The following SORBS2 variants were observed in gnomAD, a reference collection of about 807,000 sequenced individuals.
SORBS2 encodes sorbin and SH3 domain containing 2, also known as sorbin and SH3 domain-containing protein 2.
A neutral mutation model predicts 97.7 loss-of-function variants in SORBS2; 46 were observed. That is an observed-to-expected ratio of 0.47 (90% CI 0.37 to 0.60). SORBS2 has a LOEUF of 0.60. Among genes scored for constraint, SORBS2 ranks in the 20% least tolerant of loss-of-function variants. The pLI is 0.00. For synonymous variants in SORBS2, 476 were observed against 473.4 expected, an observed-to-expected ratio of 1.01 and a Z score of -0.07; for missense variants, 1,316 against 1,282.3, an observed-to-expected ratio of 1.03 and a Z score of -0.40.
At chr4:185,727,770 A>T (rs1309982887) in intron 2 of SORBS2, among the ~76,000 whole-genome samples, 1 of 152,238 alleles carries the variant, frequency 6.6e-6, no homozygotes, top group Non-Finnish European at 1.5e-5. Flanking sequence ...ATAAATCAAG[A>T]TAAACAGCTT....
At chr4:185,748,677 C>T (rs955805277) in intron 2 of SORBS2, among the ~76,000 whole-genome samples, 33 of 152,226 alleles carry the variant, frequency 2.2e-4, no homozygotes, top group African/African-American at 8.0e-4. Flanking sequence ...GATATGTTAA[C>T]TACCTCAAAA....
chr4:185,812,550 A>C (rs2099188600), intron 1 of SORBS2, among the ~76,000 whole-genome samples: 1 of 152,252 alleles, frequency 6.6e-6, no homozygotes, highest in Non-Finnish European at 1.5e-5. Flanking sequence ...CAAATCACTT[A>C]AGAGACCCTA....
intron 2 of SORBS2, among the ~76,000 whole-genome samples, chr4:185,699,848 T>C (rs1030798487): frequency 1.3e-5 from 2 of 152,242 alleles, no homozygotes; most frequent in Non-Finnish European, 1.5e-5. Flanking sequence ...TTAATATTTA[T>C]ATACTGCTGC....
intron 1 of SORBS2, among the ~76,000 whole-genome samples, chr4:185,863,148 T>C (rs1041601101): frequency 6.6e-6 from 1 of 152,172 alleles, no homozygotes; most frequent in African/African-American, 2.4e-5. Context: ...GGATTTGCAT[T>C]TTTACATTAG....
chr4:185,735,621 C>T (rs2098680064), intron 2 of SORBS2, among the ~76,000 whole-genome samples: 1 of 151,904 alleles, frequency 6.6e-6, no homozygotes, highest in Admixed American at 6.5e-5. Flanking sequence ...ATTGAAAATG[C>T]ATCTGTTTTT....
At chr4:185,703,130 G>T (rs1364776727) in intron 2 of SORBS2, among the ~76,000 whole-genome samples, 1 of 152,140 alleles carries the variant, frequency 6.6e-6, no homozygotes, top group Non-Finnish European at 1.5e-5. Context: ...CTAGAGAATT[G>T]TTTATATATT....
At chr4:185,630,730 T>C in intron 4 of SORBS2, 132 bp from the exon 17 acceptor site, 1 of 616,106 alleles carries the variant, frequency 1.6e-6, no homozygotes, top group Non-Finnish European at 2.9e-6. Flanking sequence ...TCATTATGAC[T>C]ATAAAAATGT....
chr4:185,712,492 A>G (rs1359709202), intron 2 of SORBS2, among the ~76,000 whole-genome samples: 1 of 152,246 alleles, frequency 6.6e-6, no homozygotes, highest in African/African-American at 2.4e-5. Context: ...CACCAGTGCA[A>G]ATATAAAAGG....
intron 14 of SORBS2, among the ~76,000 whole-genome samples, chr4:185,588,459 C>T (rs1045412241): frequency 6.6e-6 from 1 of 152,154 alleles, no homozygotes; most frequent in African/African-American, 2.4e-5. Context: ...CTAAATTCTT[C>T]TTTAGGCAGC....
At chr4:185,839,537 G>T (rs2099210226) in intron 1 of SORBS2, among the ~76,000 whole-genome samples, 2 of 152,146 alleles carry the variant, frequency 1.3e-5, no homozygotes, top group Non-Finnish European at 2.9e-5. Flanking sequence ...ACAAGCCGGA[G>T]CACACTGAGC....
intron 2 of SORBS2, 166 bp downstream of exon 2, chr4:185,775,061 G>A (rs1023495531): frequency 6.6e-6 from 1 of 152,078 alleles, no homozygotes; most frequent in Non-Finnish European, 1.5e-5. Context: ...AAAACTTACA[G>A]CCACAAAAAT....
intron 13 of SORBS2, among the ~76,000 whole-genome samples, chr4:185,590,918 T>C (rs1200935878): frequency 2.0e-5 from 3 of 152,262 alleles, no homozygotes; most frequent in Non-Finnish European, 4.4e-5. Context: ...AACAGTCATG[T>C]CATTCTGCTA....
In SORBS2 at chr4:185,650,695, A is replaced by G. The variant is rs553884816; in HGVS notation, c.92-1039T>C. Reference sequence around the variant, plus strand: ...TCCACAGCAAATGAAAAGAGACAACATCTACACTTACAGTTTTGCTTGGAT... The same window carrying G: ...TCCACAGCAAATGAAAAGAGACAACGTCTACACTTACAGTTTTGCTTGGAT... On this transcript the variant is annotated intron_variant, in intron 2 of 14. Coordinates refer to ENST00000418609, the Ensembl canonical transcript of SORBS2. 3.9e-5 allele frequency among the ~76,000 whole-genome samples: 6 copies of G among 152,270 alleles called. No individual in the cohort carries two copies. The East Asian group carries it at 9.7e-4, about 25-fold the overall frequency.
At chr4:185,827,878 AC>A in intron 1 of SORBS2, among the ~76,000 whole-genome samples, 1 of 145,502 alleles carries the variant, frequency 6.9e-6, no homozygotes, top group African/African-American at 2.6e-5. Flanking sequence ...CATCATCGTC[AC>A]CATCATCAGC....
intron 1 of SORBS2, among the ~76,000 whole-genome samples, chr4:185,892,542 G>A (rs1205865935): frequency 6.6e-6 from 1 of 152,162 alleles, no homozygotes; most frequent in Non-Finnish European, 1.5e-5. Flanking sequence ...CAAGTGAATG[G>A]GTAAACAAAA....
chr4:185,894,965 C>A (rs1042410029), intron 1 of SORBS2, among the ~76,000 whole-genome samples: 4 of 152,166 alleles, frequency 2.6e-5, no homozygotes, highest in African/African-American at 9.7e-5. Context: ...CCGGCTGGGC[C>A]CATGTCCATG....
chr4:185,651,079 A>C (rs1355362819), intron 2 of SORBS2, among the ~76,000 whole-genome samples: 1 of 152,142 alleles, frequency 6.6e-6, no homozygotes, highest in East Asian at 1.9e-4. Flanking sequence ...AAGAAGAAAA[A>C]AAATAGTTGT....
At chr4:185,585,832 C>T (rs1032535103) in exon 15 of SORBS2, 4 of 152,186 alleles carry the variant, frequency 2.6e-5, no homozygotes, top group Admixed American at 1.3e-4. Context: ...TCAAGGTAGG[C>T]TACTCAACGA....
intron 1 of SORBS2, among the ~76,000 whole-genome samples, chr4:185,955,977 T>C (rs1007589228): frequency 3.9e-5 from 6 of 152,056 alleles, no homozygotes; most frequent in Non-Finnish European, 8.8e-5. Context: ...GAATCCATCC[T>C]AATAAAAGCT....
Sources: allele counts gnomAD v4.1 joint callset (sites outside exome capture counted in the v4.1 genomes callset), GRCh38; gene constraint gnomAD v4.1.1; transcripts MANE v1.5; gene names NCBI Gene and HGNC (gene_info 2026-07-23, HGNC 2026-07-21).